The following IGFL2 variants were observed in gnomAD, a reference collection of about 807,000 sequenced individuals.
IGFL2 encodes insulin growth factor-like family member 2.
A neutral mutation model predicts 13.9 loss-of-function variants in IGFL2; 7 were observed. The ratio of observed to expected loss-of-function variants is 0.51; its 90% confidence interval spans 0.29 to 0.95. The LOEUF is 0.95. Ranked by LOEUF, IGFL2 falls within the 40% of genes least tolerant of loss-of-function variation. The probability of loss-of-function intolerance (pLI) is 0.08; values close to 1 mark genes in which losing one functional copy is unlikely to be tolerated. For synonymous variants in IGFL2, 55 were observed against 55.8 expected (o/e 0.99, Z 0.07); for missense variants, 138 against 147.8 (o/e 0.93, Z 0.34).
chr19:46,104,120 T>C, the IGFL2 span, among the ~76,000 whole-genome samples: 4 of 152,098 alleles, frequency 2.6e-5, no homozygotes, highest in Non-Finnish European at 5.9e-5. Flanking sequence ...GCCTGGCAAA[T>C]TTCCTGTCTA....
the IGFL2 span, among the ~76,000 whole-genome samples, chr19:46,205,890 G>A: frequency 2.0e-5 from 3 of 152,256 alleles, no homozygotes; most frequent in African/African-American, 7.2e-5. Flanking sequence ...TGGGGCTTGA[G>A]TGGTTTGAAC....
At chr19:46,162,372 T>A (rs1974206931), downstream of IGFL2, among the ~76,000 whole-genome samples, 1 of 152,270 alleles carries the variant, frequency 6.6e-6, no homozygotes, top group Admixed American at 6.5e-5. Context: ...ATGGACAATA[T>A]CCTGAAGTAT....
chr19:46,208,851 C>A, the IGFL2 span: 3 of 152,010 alleles, frequency 2.0e-5, no homozygotes, highest in African/African-American at 7.3e-5. Context: ...AACCTCTTTC[C>A]TTTATAAATT....
chr19:46,128,604 A>G, the IGFL2 span, among the ~76,000 whole-genome samples: 13 of 152,264 alleles, frequency 8.5e-5, no homozygotes, highest in African/African-American at 2.6e-4. Flanking sequence ...TGAGATAATT[A>G]TGTGGTTTTT....
upstream of IGFL2, among the ~76,000 whole-genome samples, chr19:46,138,982 A>T (rs1185995962): frequency 6.6e-6 from 1 of 151,550 alleles, no homozygotes; most frequent in African/African-American, 2.4e-5. Flanking sequence ...TGTCCCTGCC[A>T]ACTCTCCAAG....
chr19:46,152,284 TTTTC>T (rs1973542972), intron 1 of IGFL2, among the ~76,000 whole-genome samples: 2 of 151,672 alleles, frequency 1.3e-5, no homozygotes, highest in African/African-American at 4.8e-5. Context: ...TTTTTTTTCT[TTTTC>T]TTTTTTGAGA....
the IGFL2 span, among the ~76,000 whole-genome samples, chr19:46,098,695 T>TC: frequency 4.5e-4 from 69 of 152,248 alleles, no homozygotes; most frequent in South Asian, 0.012. Flanking sequence ...GTCAGGCTGG[T>TC]CTCGAACTTC....
At chr19:46,143,886 C>A (rs1285633684), upstream of IGFL2, among the ~76,000 whole-genome samples, 3 of 152,196 alleles carry the variant, frequency 2.0e-5, no homozygotes, top group African/African-American at 4.8e-5. Context: ...CACTCAGACC[C>A]AACACGTGGC....
chr19:46,084,392 T>C, the IGFL2 span, among the ~76,000 whole-genome samples: 1 of 152,190 alleles, frequency 6.6e-6, no homozygotes, highest in South Asian at 2.1e-4. Flanking sequence ...AAGTGGGGTG[T>C]TGAAGTCCCC....
chr19:46,204,715 A>T, the IGFL2 span: 1 of 152,204 alleles, frequency 6.6e-6, no homozygotes, highest in African/African-American at 2.4e-5. Context: ...TCCCTCAGGG[A>T]ATTGTAATGG....
chr19:46,201,868 C>T, the IGFL2 span, among the ~76,000 whole-genome samples: 3 of 151,700 alleles, frequency 2.0e-5, no homozygotes, highest in Admixed American at 6.6e-5. Context: ...TTAACCTTGA[C>T]TCTGCCTTCA....
the IGFL2 span, among the ~76,000 whole-genome samples, chr19:46,175,953 C>T: frequency 2.3e-3 from 348 of 150,290 alleles, 1 homozygote; most frequent in African/African-American, 8.3e-3. Context: ...AGCGATTGTC[C>T]TGCCTTAGCC....
the IGFL2 span, chr19:46,113,441 C>A: frequency 2.6e-6 from 1 of 390,554 alleles, no homozygotes. Context: ...AAATGGAATC[C>A]ACGTAGATAT....
the IGFL2 span, among the ~76,000 whole-genome samples, chr19:46,123,728 C>CT: frequency 6.6e-6 from 1 of 150,822 alleles, no homozygotes; most frequent in East Asian, 2.0e-4. Flanking sequence ...GAAAGGCAGA[C>CT]TTATAGCTTA....
chr19:46,148,423 CCT>C (rs910206077), intron 1 of IGFL2, 126 bp downstream of exon 1: 2 of 834,542 alleles, frequency 2.4e-6, no homozygotes, highest in South Asian at 1.5e-5. Flanking sequence ...TCACCCGTGT[CCT>C]CTCTGACTGC....
chr19:46,167,570 G>A, the IGFL2 span, among the ~76,000 whole-genome samples: 1 of 152,096 alleles, frequency 6.6e-6, no homozygotes, highest in South Asian at 2.1e-4. Context: ...ATCCCCTTCC[G>A]ATATGGACGG....
chr19:46,124,148 C>T, the IGFL2 span: 1 of 1,610,290 alleles, frequency 6.2e-7, no homozygotes, highest in East Asian at 2.3e-5. Flanking sequence ...CCTGAGCCAA[C>T]AGGAGCGTCT....
At chr19:46,116,349 A>G in the IGFL2 span, among the ~76,000 whole-genome samples, 3 of 152,282 alleles carry the variant, frequency 2.0e-5, no homozygotes, top group South Asian at 6.2e-4. Flanking sequence ...GGTTTTCTGT[A>G]AAAATGCTGT....
At chr19:46,163,450 G>C (rs1265631578), downstream of IGFL2, among the ~76,000 whole-genome samples, 2 of 152,226 alleles carry the variant, frequency 1.3e-5, no homozygotes, top group African/African-American at 4.8e-5. Context: ...GTGGGTCCAT[G>C]CCAGGGGTTC....
Sources: allele counts gnomAD v4.1 joint callset (sites outside exome capture counted in the v4.1 genomes callset), GRCh38; gene constraint gnomAD v4.1.1; transcripts MANE v1.5; gene names NCBI Gene and HGNC (gene_info 2026-07-23, HGNC 2026-07-21).